The following TMEM131L variants were observed in gnomAD, a reference collection of about 807,000 sequenced individuals.
TMEM131L encodes transmembrane protein 131-like.
In TMEM131L, 54 loss-of-function variants were observed where a neutral mutation model predicts 192.2. That is an observed-to-expected ratio of 0.28 (90% CI 0.23 to 0.35). The LOEUF is 0.35. TMEM131L is among the 10% of genes least tolerant of loss of function. TMEM131L has a pLI of 1.00. For synonymous variants in TMEM131L, 701 were observed against 704.9 expected (o/e 0.99, Z 0.09); for missense variants, 1,888 against 1,972.9 (o/e 0.96, Z 0.82).
chr4:153,504,049 C>G (rs527489229), intron 3 of TMEM131L, among the ~76,000 whole-genome samples: 172 of 152,184 alleles, frequency 1.1e-3, no homozygotes, highest in Non-Finnish European at 2.1e-3. Flanking sequence ...TCACTGCAAG[C>G]TCCACCTCCT....
chr4:153,535,542 A>G (rs1203863237), intron 3 of TMEM131L, among the ~76,000 whole-genome samples: 1 of 152,116 alleles, frequency 6.6e-6, no homozygotes, highest in East Asian at 1.9e-4. Context: ...GAGTTAGGGG[A>G]AGTGAAGCAA....
chr4:153,497,512 G>A (rs1338290556), intron 3 of TMEM131L, among the ~76,000 whole-genome samples: 4 of 152,172 alleles, frequency 2.6e-5, no homozygotes, highest in South Asian at 4.1e-4. Flanking sequence ...AGTTTGAAAC[G>A]TTTTGCTCTC....
intron 7 of TMEM131L, among the ~76,000 whole-genome samples, chr4:153,570,151 T>C (rs188788515): frequency 1.3e-5 from 2 of 152,336 alleles, no homozygotes; most frequent in East Asian, 1.9e-4. Flanking sequence ...AGTGGTTCAA[T>C]AGTAAGTCAT....
Position 153,623,103 on chromosome 4 carries a change from C to G in TMEM131L, c.4045+20C>G, listed in dbSNP as rs776858819. ...CGGCCGGTGAGTCCTGAGCAGAGCC[C>G]CAGGCACTCTCGGTGGCCCTTCCCT... On this transcript the variant is annotated intron_variant, in intron 29 of 34. Coordinates refer to ENST00000409959, the MANE Select transcript of TMEM131L (RefSeq NM_001131007.2). 2.6e-6 allele frequency: 4 copies of G among 1,558,120 alleles called. No homozygotes were observed. The highest frequency in any genetic ancestry group is 2.2e-5 in the East Asian group (1 of 44,456).
At chr4:153,562,334 C>G (rs1480854412) in intron 7 of TMEM131L, among the ~76,000 whole-genome samples, 3 of 152,074 alleles carry the variant, frequency 2.0e-5, no homozygotes, top group Non-Finnish European at 4.4e-5. Flanking sequence ...CCGCACCCAG[C>G]CTAAAGTATT....
At chr4:153,473,789 C>A (rs560314541) in intron 2 of TMEM131L, 56 bp from the exon 3 acceptor site, 4 of 1,451,742 alleles carry the variant, frequency 2.8e-6, no homozygotes, top group South Asian at 1.3e-5. Context: ...GAGACTCTGT[C>A]TCAAAAACAA....
intron 3 of TMEM131L, among the ~76,000 whole-genome samples, chr4:153,543,085 C>G (rs969349276): frequency 2.0e-5 from 3 of 152,184 alleles, no homozygotes; most frequent in African/African-American, 7.2e-5. Context: ...CTTTTTGATT[C>G]CTCTCTTTTG....
At chr4:153,606,318 C>T (rs1004639708) in intron 25 of TMEM131L, among the ~76,000 whole-genome samples, 12 of 152,278 alleles carry the variant, frequency 7.9e-5, no homozygotes, top group East Asian at 3.9e-4. Flanking sequence ...TTGAGGGAAT[C>T]CTCCCTCCAG....
At chr4:153,525,926 G>A (rs182840744) in intron 3 of TMEM131L, among the ~76,000 whole-genome samples, 270 of 151,830 alleles carry the variant, frequency 1.8e-3, no homozygotes, top group Middle Eastern at 6.8e-3. Flanking sequence ...GCACGATCTC[G>A]GCTCACTGCA....
At chr4:153,565,020 T>C (rs1342484510) in intron 7 of TMEM131L, among the ~76,000 whole-genome samples, 1 of 152,220 alleles carries the variant, frequency 6.6e-6, no homozygotes, top group Non-Finnish European at 1.5e-5. Flanking sequence ...ATTCTAATTA[T>C]TCTTCTAATT....
chr4:153,543,722 C>T (rs1466059477), intron 3 of TMEM131L, among the ~76,000 whole-genome samples: 1 of 152,212 alleles, frequency 6.6e-6, no homozygotes, highest in Non-Finnish European at 1.5e-5. Flanking sequence ...GTCTCCTGCT[C>T]AGAGGAAGAT....
At chr4:153,595,700 C>G (rs1731381918) in intron 19 of TMEM131L, among the ~76,000 whole-genome samples, 4 of 133,166 alleles carry the variant, frequency 3.0e-5, no homozygotes, top group Admixed American at 1.6e-4. Context: ...AAACTTAGAG[C>G]ACAAGTTTTA....
Position 153,634,172 on chromosome 4 carries a change from C to G in TMEM131L, c.4329-20C>G, listed in dbSNP as rs1190514256. 6.2e-7 allele frequency: 1 copy of G among 1,603,892 alleles called. No individual in the cohort carries two copies. Among genetic ancestry groups the G allele is most frequent in the Non-Finnish European group, 8.5e-7 (1 of 1,170,734 alleles). ...TCTTGACATCCTGTTTCTGATTAGACCACTTGTTTTTTGTGGCAGTTTCAT... is the reference window on the plus strand; with the variant it reads ...TCTTGACATCCTGTTTCTGATTAGAGCACTTGTTTTTTGTGGCAGTTTCAT... On this transcript the variant is annotated intron_variant, in intron 32 of 34. Transcript: ENST00000409959.
chr4:153,636,441 G>T lies in TMEM131L; in HGVS notation c.4698G>T (p.Ala1566=). 1 of 1,614,146 alleles carries T rather than the reference G, an allele frequency of 6.2e-7. No individual in the cohort carries two copies. The highest frequency in any genetic ancestry group is 8.5e-7 in the Non-Finnish European group (1 of 1,180,022). ...ATTCGACCCACATGGAAAACCAAGC[G>T]GTCGTGTGCAAGGAATACTACCCGG... ...TEHSTHMENQ[A]VVCKEYYPGF... is the part of the protein sequence containing the mutation. The change falls in exon 35 of 35, where the codon GCG becomes GCT. Residue 1566 remains alanine, a synonymous_variant. Transcript: ENST00000409959.
intron 28 of TMEM131L, among the ~76,000 whole-genome samples, chr4:153,622,481 G>A (rs1733501150): frequency 6.6e-6 from 1 of 152,112 alleles, no homozygotes; most frequent in African/African-American, 2.4e-5. Flanking sequence ...GTTGCTTTTG[G>A]TCTTACTGAA....
At chr4:153,520,355 C>G (rs968117599) in intron 3 of TMEM131L, among the ~76,000 whole-genome samples, 1 of 152,034 alleles carries the variant, frequency 6.6e-6, no homozygotes, top group Admixed American at 6.5e-5. Context: ...TCCGTGGTTC[C>G]AGCTACTTGG....
At chr4:153,563,051 T>A (rs1020344812) in intron 7 of TMEM131L, among the ~76,000 whole-genome samples, 1 of 152,214 alleles carries the variant, frequency 6.6e-6, no homozygotes, top group Non-Finnish European at 1.5e-5. Context: ...TTTAGTATAA[T>A]TCATTGAATA....
chr4:153,584,382 A>C (rs534122874), intron 11 of TMEM131L, among the ~76,000 whole-genome samples: 1 of 151,014 alleles, frequency 6.6e-6, no homozygotes, highest in African/African-American at 2.4e-5. Flanking sequence ...ACTTTAAAAA[A>C]GTTGGTTATT....
chr4:153,522,799 C>T (rs545712272), intron 3 of TMEM131L, among the ~76,000 whole-genome samples: 136 of 152,328 alleles, frequency 8.9e-4, no homozygotes, highest in African/African-American at 3.1e-3. Context: ...CACCTCACCT[C>T]CCCATCCCCA....
Sources: allele counts gnomAD v4.1 joint callset (sites outside exome capture counted in the v4.1 genomes callset), GRCh38; gene constraint gnomAD v4.1.1; transcripts MANE v1.5; gene names NCBI Gene and HGNC (gene_info 2026-07-23, HGNC 2026-07-21).